The following RPS6KC1 variants were observed in gnomAD, a reference collection of about 807,000 sequenced individuals.
RPS6KC1 encodes inactive ribosomal protein S6 kinase delta-1.
RPS6KC1 carries 54 observed loss-of-function variants against 103.8 expected under a neutral mutation model. That is an observed-to-expected ratio of 0.52 (90% CI 0.42 to 0.65). RPS6KC1 has a LOEUF of 0.65. Among genes scored for constraint, RPS6KC1 ranks in the 30% least tolerant of loss-of-function variants. RPS6KC1 has a pLI of 0.00. For missense variants in RPS6KC1, 1,151 were observed against 1,253.8 expected, an observed-to-expected ratio of 0.92 and a Z score of 1.24; for synonymous variants, 439 against 438.7, an observed-to-expected ratio of 1.00 and a Z score of -0.01.
At chr1:213,468,902 T>C in the RPS6KC1 span, among the ~76,000 whole-genome samples, 1 of 152,144 alleles carries the variant, frequency 6.6e-6, no homozygotes. Flanking sequence ...TGGGCCTTCA[T>C]ATGCTTGACT....
chr1:213,582,564 G>A, the RPS6KC1 span, among the ~76,000 whole-genome samples: 21,697 of 151,980 alleles, frequency 0.14, 1,635 homozygotes, highest in Non-Finnish European at 0.17. Context: ...TTACCTCTTT[G>A]TTTAAAAAGT....
the RPS6KC1 span, among the ~76,000 whole-genome samples, chr1:213,361,002 G>T: frequency 6.6e-6 from 1 of 152,234 alleles, no homozygotes; most frequent in South Asian, 2.1e-4. Flanking sequence ...CTACTCAGGG[G>T]TCAGGGACCC....
At chr1:213,622,519 C>A in the RPS6KC1 span, among the ~76,000 whole-genome samples, 1 of 152,062 alleles carries the variant, frequency 6.6e-6, no homozygotes, top group Non-Finnish European at 1.5e-5. Flanking sequence ...TGTCTCCCTC[C>A]ATCCCTGCCC....
At chr1:213,269,428 A>G (rs2094988672) in intron 14 of RPS6KC1, among the ~76,000 whole-genome samples, 1 of 152,246 alleles carries the variant, frequency 6.6e-6, no homozygotes, top group African/African-American at 2.4e-5. Context: ...AACAAACTGT[A>G]ACTGACATGT....
the RPS6KC1 span, among the ~76,000 whole-genome samples, chr1:213,508,182 C>T: frequency 1.3e-5 from 2 of 152,222 alleles, no homozygotes; most frequent in African/African-American, 2.4e-5. Flanking sequence ...GATACACATC[C>T]GTACACTGTT....
the RPS6KC1 span, among the ~76,000 whole-genome samples, chr1:213,438,318 C>T: frequency 6.6e-6 from 1 of 152,044 alleles, no homozygotes; most frequent in Non-Finnish European, 1.5e-5. Flanking sequence ...GGTCTTATCT[C>T]CTTGTATGAC....
the RPS6KC1 span, among the ~76,000 whole-genome samples, chr1:213,459,738 T>G: frequency 6.6e-6 from 1 of 152,214 alleles, no homozygotes; most frequent in Non-Finnish European, 1.5e-5. Context: ...GCTATAAATT[T>G]CCCTCTAAAC....
chr1:213,134,772 T>A (rs185387416), intron 6 of RPS6KC1, among the ~76,000 whole-genome samples: 180 of 152,254 alleles, frequency 1.2e-3, no homozygotes, highest in African/African-American at 3.2e-3. Context: ...TTAGGTTTGA[T>A]AAAGGGAAGC....
intron 4 of RPS6KC1, among the ~76,000 whole-genome samples, chr1:213,106,822 T>C (rs556571342): frequency 6.6e-6 from 1 of 152,230 alleles, no homozygotes; most frequent in East Asian, 1.9e-4. Flanking sequence ...CCCATACTCT[T>C]CACTGGTTGT....
the RPS6KC1 span, among the ~76,000 whole-genome samples, chr1:213,584,862 A>G: frequency 2.2e-4 from 33 of 152,340 alleles, no homozygotes; most frequent in East Asian, 1.5e-3. Context: ...AAACACTGAA[A>G]TAAACCACTG....
At chr1:213,190,022 A>G (rs920246920) in intron 8 of RPS6KC1, among the ~76,000 whole-genome samples, 3 of 152,174 alleles carry the variant, frequency 2.0e-5, no homozygotes, top group Non-Finnish European at 4.4e-5. Context: ...TTCATTTTGT[A>G]TATATACCAC....
At chr1:213,829,935 A>G in the RPS6KC1 span, among the ~76,000 whole-genome samples, 1 of 152,220 alleles carries the variant, frequency 6.6e-6, no homozygotes, top group Non-Finnish European at 1.5e-5. Flanking sequence ...GCAAAGGAAT[A>G]ACAGTTATCA....
chr1:213,405,670 G>C, the RPS6KC1 span, among the ~76,000 whole-genome samples: 1 of 152,232 alleles, frequency 6.6e-6, no homozygotes, highest in African/African-American at 2.4e-5. Context: ...AGTAGCAGCA[G>C]CAATCTGGTT....
At chr1:213,138,912 T>C (rs2086692799) in intron 6 of RPS6KC1, among the ~76,000 whole-genome samples, 1 of 152,198 alleles carries the variant, frequency 6.6e-6, no homozygotes, top group Non-Finnish European at 1.5e-5. Flanking sequence ...TATTTTCAGT[T>C]CTTTGAGGAA....
At chr1:213,808,097 C>T in the RPS6KC1 span, among the ~76,000 whole-genome samples, 4 of 152,126 alleles carry the variant, frequency 2.6e-5, no homozygotes, top group African/African-American at 7.2e-5. Flanking sequence ...AGTGGTTTTT[C>T]GTGAACTGCG....
chr1:213,832,182 G>A, the RPS6KC1 span, among the ~76,000 whole-genome samples: 1 of 152,314 alleles, frequency 6.6e-6, no homozygotes, highest in East Asian at 1.9e-4. Flanking sequence ...TGCCTACTGT[G>A]TTGGCTTCAC....
At chr1:213,515,358 G>T in the RPS6KC1 span, among the ~76,000 whole-genome samples, 4 of 152,082 alleles carry the variant, frequency 2.6e-5, no homozygotes, top group Non-Finnish European at 5.9e-5. Flanking sequence ...TTTTTACGTT[G>T]TTAGGTCTAA....
At chr1:213,135,309 G>C (rs1430446978) in intron 6 of RPS6KC1, among the ~76,000 whole-genome samples, 1 of 151,998 alleles carries the variant, frequency 6.6e-6, no homozygotes, top group Non-Finnish European at 1.5e-5. Context: ...GAACCCAGTT[G>C]TGCCTTTTGG....
chr1:213,282,408 AAG>A, the RPS6KC1 span, among the ~76,000 whole-genome samples: 1 of 152,232 alleles, frequency 6.6e-6, no homozygotes. Context: ...AACTCCTTGA[AAG>A]AGAAACACAA....
Sources: gnomAD v4.1 joint callset for allele counts (sites outside exome capture counted in the v4.1 genomes callset) on GRCh38, gnomAD v4.1.1 for gene constraint, MANE v1.5 for transcripts, NCBI Gene and HGNC (gene_info 2026-07-23, HGNC 2026-07-21) for gene names.